The following ANXA7 variants were observed in gnomAD, a reference collection of about 807,000 sequenced individuals.
ANXA7 encodes annexin VII.
In ANXA7, 55 loss-of-function variants were observed where a neutral mutation model predicts 64.9. The observed-to-expected ratio is 0.85, with a 90% confidence interval of 0.68 to 1.06. ANXA7 has a LOEUF of 1.06. ANXA7 is among the 50% of genes least tolerant of loss of function. The probability of loss-of-function intolerance (pLI) is 0.00; values close to 1 mark genes in which losing one functional copy is unlikely to be tolerated. For synonymous variants in ANXA7, 200 were observed against 192.4 expected (o/e 1.04, Z -0.33); for missense variants, 548 against 582.1 (o/e 0.94, Z 0.60).
chr10:73,398,043 G>A, intron 3 of ANXA7, 138 bp downstream of exon 3: 1 of 782,110 alleles, frequency 1.3e-6, no homozygotes, highest in Non-Finnish European at 1.9e-6. Flanking sequence ...CATCTTGCCA[G>A]CTAGGTCCTT....
chr10:73,383,621 G>T lies in ANXA7; in HGVS notation c.703C>A (p.Pro235Thr), dbSNP rs762743606. 1.9e-6 allele frequency: 3 copies of T among 1,613,640 alleles called. No homozygotes were observed. The highest frequency in any genetic ancestry group is 1.7e-6 in the Non-Finnish European group (2 of 1,179,720). Reference protein sequence around the residue: ...MEELILALFMPPTYYDAWSLR... With the variant: ...MEELILALFMTPTYYDAWSLR... ...CTCCAGGCATCGTAATACGTAGGAG[G>T]CATGAAGAGGGCCAGGATCAGTTCT... is the stretch of plus-strand genomic sequence containing the variant. The change falls in exon 8 of 13, where the codon CCT (proline) becomes ACT (threonine). Residue 235 changes from proline (P) to threonine (T), a missense_variant. Pro to Thr is a conservative substitution (Grantham distance 38). Coordinates refer to ENST00000372921, the MANE Select transcript of ANXA7 (RefSeq NM_001156.5).
rs761167888 is a variant in ANXA7, at chr10:73,383,348, A to G, written c.748-3T>C. 7.5e-6 allele frequency: 12 copies of G among 1,601,734 alleles called. No homozygotes were observed. The highest frequency in any genetic ancestry group is 1.7e-4 in the Middle Eastern group (1 of 6,016). On this transcript the variant is annotated splice_polypyrimidine_tract_variant and splice_region_variant and intron_variant, in intron 8 of 12. Coordinates refer to ENST00000372921, the MANE Select transcript of ANXA7 (RefSeq NM_001156.5). ...ACACGTTCCTGAGTTCCTGCTCCCTACATGAAATGAAGGGAAGATTATACA... is the reference window on the plus strand; with the variant it reads ...ACACGTTCCTGAGTTCCTGCTCCCTGCATGAAATGAAGGGAAGATTATACA...
chr10:73,380,394 C>G (rs896898987), intron 9 of ANXA7, among the ~76,000 whole-genome samples, 193 bp from the exon 10 acceptor site: 1 of 151,962 alleles, frequency 6.6e-6, no homozygotes. Flanking sequence ...CTCAGCCTCC[C>G]AGATAGCTGG....
At chr10:73,386,979 T>C (rs1422774900) in intron 7 of ANXA7, among the ~76,000 whole-genome samples, 1 of 152,032 alleles carries the variant, frequency 6.6e-6, no homozygotes, top group Non-Finnish European at 1.5e-5. Context: ...TCAGTCCATA[T>C]AATTTTAACA....
chr10:73,387,801 G>A lies in ANXA7; in HGVS notation c.539-18C>T, dbSNP rs1383288345. ...ATCTGTCCCTGGAAGAACCACACAT[G>A]TTTAAGTAAGGACAAAGTACATGCT... On this transcript the variant is annotated intron_variant, in intron 6 of 12. Transcript: ENST00000372921. 1 of 1,476,768 alleles carries A rather than the reference G, an allele frequency of 6.8e-7. No homozygotes were observed. The highest frequency in any genetic ancestry group is 9.4e-7 in the Non-Finnish European group (1 of 1,062,456). The allele number at this position is 1,476,768 out of a possible 1,614,324, so 91.5% of individuals were successfully genotyped here.
At chr10:73,401,487 T>C (rs899185413) in intron 1 of ANXA7, among the ~76,000 whole-genome samples, 4 of 151,922 alleles carry the variant, frequency 2.6e-5, no homozygotes, top group African/African-American at 9.7e-5. Context: ...ATACCAATAC[T>C]GAACTATTCT....
At chr10:73,379,979 A>T (rs769537640) in intron 10 of ANXA7, 25 bp from the exon 11 acceptor site, 1 of 1,613,110 alleles carries the variant, frequency 6.2e-7, no homozygotes, top group South Asian at 1.1e-5. Context: ...AAAGGGTTAA[A>T]TATTTTTGTA....
At position 73,376,067 on chromosome 10, in the gene ANXA7, T is replaced by C. The variant is rs981561256; in HGVS notation, c.*28A>G. On this transcript the variant is annotated 3_prime_UTR_variant, in exon 13 of 13. Coordinates refer to ENST00000372921, the MANE Select transcript of ANXA7 (RefSeq NM_001156.5). Reference sequence around the variant, plus strand: ...AAGGATAAGCTATGAATAGAAATTTTTTTTCATTAAAAAAAAAAAAATCCC... The same window carrying C: ...AAGGATAAGCTATGAATAGAAATTTCTTTTCATTAAAAAAAAAAAAATCCC... 6.6e-7 allele frequency: 1 copy of C among 1,512,050 alleles called. No homozygotes were observed. The highest frequency in any genetic ancestry group is 8.8e-7 in the Non-Finnish European group (1 of 1,135,076). 93.7% of individuals were successfully genotyped at this position (1,512,050 alleles called of 1,614,324 possible).
At chr10:73,396,004 A>G in intron 5 of ANXA7, 2 of 1,251,710 alleles carry the variant, frequency 1.6e-6, no homozygotes, top group Non-Finnish European at 2.3e-6. Flanking sequence ...GCACATATAA[A>G]GGACCTAGTG....
Position 73,376,004 on chromosome 10 carries a change from C to G in ANXA7, c.*91G>C. 1 of 1,123,208 alleles carries G rather than the reference C, an allele frequency of 8.9e-7. No homozygotes were observed. The highest frequency in any genetic ancestry group is 1.2e-6 in the Non-Finnish European group (1 of 826,318). 69.6% of individuals were successfully genotyped at this position (1,123,208 alleles called of 1,614,324 possible). ...CTTGACAGAAAGCTCTTTCGGTTAG[C>G]TGATGTTTGATATTGCTGCATGCAG... On this transcript the variant is annotated 3_prime_UTR_variant, in exon 13 of 13. Transcript: ENST00000372921.
At chr10:73,407,230 C>G (rs969266113) in intron 1 of ANXA7, among the ~76,000 whole-genome samples, 10 of 152,272 alleles carry the variant, frequency 6.6e-5, no homozygotes, top group African/African-American at 2.4e-4. Context: ...GTGCGCACTA[C>G]CACACCTGCT....
intron 7 of ANXA7, among the ~76,000 whole-genome samples, chr10:73,385,860 AT>A (rs1178886700): frequency 6.6e-6 from 1 of 152,162 alleles, no homozygotes; most frequent in African/African-American, 2.4e-5. Flanking sequence ...CCACTACCCC[AT>A]TCTGAGAAAT....
At chr10:73,377,922 TGTGTGTGTGC>T (rs2055209226) in intron 12 of ANXA7, among the ~76,000 whole-genome samples, 2 of 150,440 alleles carry the variant, frequency 1.3e-5, no homozygotes, top group African/African-American at 4.9e-5. Flanking sequence ...TGTGTGTGTG[TGTGTGTGTGC>T]GCGCGCGTGT....
At chr10:73,392,870 A>G (rs1438993974) in intron 5 of ANXA7, among the ~76,000 whole-genome samples, 2 of 151,076 alleles carry the variant, frequency 1.3e-5, no homozygotes, top group African/African-American at 4.9e-5. Flanking sequence ...GGCAGGAGAA[A>G]GAAATAAAGG....
rs140405949 is a variant in ANXA7 at position 73,376,127 on chromosome 10, G to A, written c.1369C>T (p.Arg457Ter). ...CCCACAATAGCCAGAAGAAGTCTTC[G>A]GTAATCTCCACTCGTGTCACCTGCA... ...MIAGDTSGDYRRLLLAIVGQ is the reference protein window; with the variant it reads ...MIAGDTSGDY Residue 457 changes from arginine to a stop codon, truncating the protein, a stop_gained, in exon 13 of 13, where the codon CGA becomes TGA. Transcript: ENST00000372921. LOFTEE classifies it high-confidence loss of function. The A allele has an allele frequency of 3.2e-4, 506 of 1,599,800 alleles. 4 individuals carry two copies. Among genetic ancestry groups the A allele is most frequent in the Admixed American group, 4.5e-4 (26 of 58,350 alleles).
intron 1 of ANXA7, among the ~76,000 whole-genome samples, chr10:73,401,947 CATCAGCATACTTTTAAAT>C (rs1457723342): frequency 6.6e-6 from 1 of 152,156 alleles, no homozygotes; most frequent in South Asian, 2.1e-4. Context: ...GTATGCTTAT[CATCAGCATACTTTTAAAT>C]ATCAGCATAC....
chr10:73,410,311 A>AAAAACAATTGC (rs1489575590), intron 1 of ANXA7, among the ~76,000 whole-genome samples: 6 of 152,214 alleles, frequency 3.9e-5, no homozygotes, highest in Non-Finnish European at 8.8e-5. Context: ...ACAAAGAAAA[A>AAAAACAATTGC]AAAACAATTG....
intron 6 of ANXA7, 91 bp from the exon 7 acceptor site, chr10:73,387,874 G>A (rs558615474): frequency 6.3e-5 from 63 of 998,924 alleles, no homozygotes; most frequent in Admixed American, 4.2e-4. Context: ...TTTTTGAGAC[G>A]GAGTTTGTCA....
At chr10:73,390,496 C>T (rs2055452399) in intron 5 of ANXA7, among the ~76,000 whole-genome samples, 1 of 151,996 alleles carries the variant, frequency 6.6e-6, no homozygotes, top group Non-Finnish European at 1.5e-5. Flanking sequence ...AATTATTCTA[C>T]TTGTAGCAAA....
Sources: gnomAD v4.1 joint callset for allele counts (sites outside exome capture counted in the v4.1 genomes callset) on GRCh38, gnomAD v4.1.1 for gene constraint, MANE v1.5 for transcripts, NCBI Gene and HGNC (gene_info 2026-07-23, HGNC 2026-07-21) for gene names.